The following SLC22A23 variants were observed in gnomAD, a reference collection of about 807,000 sequenced individuals.
The protein encoded by SLC22A23 is ion transporter protein.
A neutral mutation model predicts 61.0 loss-of-function variants in SLC22A23; 26 were observed. The ratio of observed to expected loss-of-function variants is 0.43; its 90% confidence interval spans 0.31 to 0.59. The LOEUF is 0.59. Ranked by LOEUF, SLC22A23 falls within the 20% of genes least tolerant of loss-of-function variation. SLC22A23 has a pLI of 0.11. For synonymous variants in SLC22A23, 430 were observed against 413.9 expected, an observed-to-expected ratio of 1.04 and a Z score of -0.47; for missense variants, 796 against 934.7, an observed-to-expected ratio of 0.85 and a Z score of 1.94.
chr6:3,361,656 T>A (rs888601532), intron 3 of SLC22A23, among the ~76,000 whole-genome samples: 1 of 152,212 alleles, frequency 6.6e-6, no homozygotes, highest in African/African-American at 2.4e-5. Flanking sequence ...TCAGTTGAAT[T>A]CAGACTCGAA....
intron 2 of SLC22A23, among the ~76,000 whole-genome samples, chr6:3,412,332 C>A (rs1328339520): frequency 6.6e-6 from 1 of 152,208 alleles, no homozygotes; most frequent in East Asian, 1.9e-4. Flanking sequence ...TCCAGGATCA[C>A]CACTTCTGAA....
rs562730828 is a variant in SLC22A23 at position 3,411,040 on chromosome 6, A to AT, written c.759-699dup. Among the ~76,000 whole-genome samples the AT allele has an allele frequency of 2.5e-4, 38 of 152,270 alleles. No individual in the cohort carries two copies. In the South Asian group the frequency reaches 7.9e-3, roughly 32 times the overall value. The stretch of plus-strand genomic sequence containing the variant: ...CTGGAAACGGCCACAGATACCCTCA[A>AT]TTCGTGGGTTCTGGAGCTGGCCAGT... On this transcript the variant is annotated intron_variant, in intron 2 of 9. Coordinates refer to ENST00000406686, the MANE Select transcript of SLC22A23 (RefSeq NM_015482.2).
At chr6:3,277,597 A>G (rs1478485049) in intron 9 of SLC22A23, among the ~76,000 whole-genome samples, 1 of 152,156 alleles carries the variant, frequency 6.6e-6, no homozygotes. Flanking sequence ...CCGAAGACAC[A>G]TTCGCATTGC....
At chr6:3,420,352 GA>G (rs1290198444) in intron 1 of SLC22A23, among the ~76,000 whole-genome samples, 1 of 152,048 alleles carries the variant, frequency 6.6e-6, no homozygotes, top group African/African-American at 2.4e-5. Flanking sequence ...TGACTTGCCA[GA>G]GTGGAGAAAC....
At chr6:3,293,691 C>A (rs1165736634) in intron 5 of SLC22A23, among the ~76,000 whole-genome samples, 1 of 152,232 alleles carries the variant, frequency 6.6e-6, no homozygotes, top group Non-Finnish European at 1.5e-5. Flanking sequence ...TGCCTGGGGT[C>A]ATACCTTGCT....
At chr6:3,391,307 A>C (rs761375211) in intron 3 of SLC22A23, among the ~76,000 whole-genome samples, 2 of 152,228 alleles carry the variant, frequency 1.3e-5, no homozygotes, top group Non-Finnish European at 2.9e-5. Flanking sequence ...GAATCCCACC[A>C]ACTGTTCGGG....
At position 3,286,985 on chromosome 6, in the gene SLC22A23, T is replaced by G; in HGVS notation, c.1420A>C (p.Ser474Arg). 1 of 1,614,154 alleles carries G rather than the reference T, an allele frequency of 6.2e-7. No homozygotes were observed. The highest frequency in any genetic ancestry group is 8.5e-7 in the Non-Finnish European group (1 of 1,180,024). The change falls in exon 7 of 10, where the codon AGC becomes CGC. Residue 474 changes from serine to arginine, a missense_variant. Coordinates refer to ENST00000406686, the MANE Select transcript of SLC22A23 (RefSeq NM_015482.2). This position sits in a 1 kb window ranked among gnomAD's most constrained non-coding sequence, Gnocchi z 4.2. ...GCCAGGCAGGACACCAGCGCGATGCTGGCCGTGGTATAGTAGTCAGCATAG... is the reference window on the plus strand; with the variant it reads ...GCCAGGCAGGACACCAGCGCGATGCGGGCCGTGGTATAGTAGTCAGCATAG... ...NFYADYYTTA[S>R]IALVSCLAMC...
chr6:3,276,443 C>A (rs1758911632), intron 9 of SLC22A23, among the ~76,000 whole-genome samples: 1 of 152,234 alleles, frequency 6.6e-6, no homozygotes, highest in South Asian at 2.1e-4. Flanking sequence ...TGTTTCCTCA[C>A]CATTGCCAAA....
chr6:3,336,184 C>T (rs1763847786), intron 3 of SLC22A23, among the ~76,000 whole-genome samples: 1 of 152,088 alleles, frequency 6.6e-6, no homozygotes, highest in South Asian at 2.1e-4. Context: ...CCTCACCTAA[C>T]TCAGCAGTTA....
rs1428141986 is a variant in SLC22A23 at position 3,330,128 on chromosome 6, C to T, written c.914-6126G>A. Among the ~76,000 whole-genome samples the T allele has an allele frequency of 6.6e-6, 1 of 152,222 alleles. No homozygotes were observed. The highest frequency in any genetic ancestry group is 2.1e-4 in the South Asian group (1 of 4,828). ...TTCAAAGAGGCCACTTCTCCAAACC[C>T]GCTGTCCTTACAAGTGGATCACCCC... On this transcript the variant is annotated intron_variant, in intron 3 of 9. Transcript: ENST00000406686. The surrounding 1 kb of genome is among the most constrained non-coding windows in gnomAD (Gnocchi z 4.7).
At chr6:3,359,699 G>T (rs1765318087) in intron 3 of SLC22A23, among the ~76,000 whole-genome samples, 1 of 152,102 alleles carries the variant, frequency 6.6e-6, no homozygotes, top group South Asian at 2.1e-4. Flanking sequence ...CCACTTTTGG[G>T]TATAACCCCC....
At chr6:3,348,819 A>C (rs973124576) in intron 3 of SLC22A23, among the ~76,000 whole-genome samples, 2 of 152,204 alleles carry the variant, frequency 1.3e-5, no homozygotes, top group Non-Finnish European at 2.9e-5. Flanking sequence ...CAAGGAGACA[A>C]ACCCTTCCCA....
rs1247872638 is a variant in SLC22A23, at chr6:3,427,954, G to T, written c.655-12099C>A. 2.6e-5 allele frequency among the ~76,000 whole-genome samples: 4 copies of T among 152,198 alleles called. No homozygotes were observed. The highest frequency in any genetic ancestry group is 4.8e-5 in the African/African-American group (2 of 41,434). ...ACCCGAGGTGGGGTGAGCCAGGAAG[G>T]CTCCCGACCTTCCACTTCAGTGCCT... is the stretch of plus-strand genomic sequence containing the variant. On this transcript the variant is annotated intron_variant, in intron 1 of 9. Coordinates refer to ENST00000406686, the MANE Select transcript of SLC22A23 (RefSeq NM_015482.2). The surrounding 1 kb of genome is among the most constrained non-coding windows in gnomAD (Gnocchi z 4.3).
At chr6:3,435,908 A>G (rs796813729) in intron 1 of SLC22A23, among the ~76,000 whole-genome samples, 4 of 152,308 alleles carry the variant, frequency 2.6e-5, no homozygotes, top group African/African-American at 9.6e-5. Flanking sequence ...GTGGGGACAG[A>G]GGGAGAAGAC....
intron 1 of SLC22A23, among the ~76,000 whole-genome samples, 182 bp from the exon 2 acceptor site, chr6:3,416,037 C>A (rs1331326601): frequency 6.6e-6 from 1 of 152,186 alleles, no homozygotes; most frequent in African/African-American, 2.4e-5. Context: ...ATAATTTGCC[C>A]ACAAAAGGAA....
chr6:3,289,721 T>G, intron 6 of SLC22A23, 43 bp downstream of exon 6: 2 of 1,508,086 alleles, frequency 1.3e-6, no homozygotes, highest in African/African-American at 1.4e-5. Flanking sequence ...CCTTCTTCCC[T>G]GGCCCCCTCC....
chr6:3,424,869 T>C (rs1770385273), intron 1 of SLC22A23, among the ~76,000 whole-genome samples: 1 of 152,220 alleles, frequency 6.6e-6, no homozygotes, highest in Non-Finnish European at 1.5e-5. Flanking sequence ...GTGGCCCTTT[T>C]TAGAAAAATT....
intron 1 of SLC22A23, among the ~76,000 whole-genome samples, chr6:3,440,718 A>G (rs1055014160): frequency 6.6e-6 from 1 of 151,834 alleles, no homozygotes; most frequent in African/African-American, 2.4e-5. Context: ...GAAAAAAAAA[A>G]AAAAAGAAGA....
intron 9 of SLC22A23, among the ~76,000 whole-genome samples, chr6:3,282,512 C>T (rs1253364069): frequency 2.0e-5 from 3 of 152,216 alleles, no homozygotes. Flanking sequence ...AGAAAGTCCA[C>T]GGACCTGCCT....
Sources: allele counts gnomAD v4.1 joint callset (sites outside exome capture counted in the v4.1 genomes callset), GRCh38; gene constraint gnomAD v4.1.1; non-coding constraint Gnocchi (gnomAD v3.1); transcripts MANE v1.5; gene names NCBI Gene and HGNC (gene_info 2026-07-23, HGNC 2026-07-21).